The following KSR2 variants were observed in gnomAD, a reference collection of about 807,000 sequenced individuals.
KSR2 encodes kinase suppressor of ras 2.
In KSR2, 25 loss-of-function variants were observed where a neutral mutation model predicts 107.8. The observed-to-expected ratio is 0.23, with a 90% CI of 0.17 to 0.32. KSR2 has a LOEUF of 0.32. Among genes scored for constraint, KSR2 ranks in the 10% least tolerant of loss-of-function variants. The pLI is 1.00. For missense variants in KSR2, 887 were observed against 1,268.9 expected, an observed-to-expected ratio of 0.70 and a Z score of 4.57; for synonymous variants, 480 against 507.0, an observed-to-expected ratio of 0.95 and a Z score of 0.71.
chr12:117,658,442 C>T (rs1388461964), intron 5 of KSR2, among the ~76,000 whole-genome samples: 4 of 152,160 alleles, frequency 2.6e-5, no homozygotes, highest in East Asian at 1.9e-4. Flanking sequence ...TCTGGCCCTC[C>T]GCCTGCTATT....
At chr12:117,480,161 T>C (rs144990761) in intron 16 of KSR2, among the ~76,000 whole-genome samples, 1,577 of 133,186 alleles carry the variant, frequency 0.012, 29 homozygotes, top group African/African-American at 0.041. Flanking sequence ...TCTCCTGCAA[T>C]GACTGGGCCA....
At chr12:117,763,132 C>T (rs1352793496) in intron 3 of KSR2, among the ~76,000 whole-genome samples, 1 of 151,568 alleles carries the variant, frequency 6.6e-6, no homozygotes, top group Non-Finnish European at 1.5e-5. Context: ...TGAGTGAGAA[C>T]ATGCGGTGTT....
At chr12:117,639,971 A>C (rs1276675090) in intron 5 of KSR2, among the ~76,000 whole-genome samples, 1 of 152,094 alleles carries the variant, frequency 6.6e-6, no homozygotes, top group East Asian at 1.9e-4. Flanking sequence ...GCTTTGTCAC[A>C]AAGCTGCAGG....
intron 4 of KSR2, among the ~76,000 whole-genome samples, chr12:117,705,828 T>G (rs949781808): frequency 8.5e-4 from 130 of 152,050 alleles, no homozygotes; most frequent in African/African-American, 3.1e-3. Context: ...GCTGGAGAGG[T>G]GGATAGGACT....
intron 6 of KSR2, among the ~76,000 whole-genome samples, chr12:117,581,526 G>A (rs930447723): frequency 1.3e-5 from 2 of 152,150 alleles, no homozygotes; most frequent in Non-Finnish European, 2.9e-5. Flanking sequence ...TCAACCTATC[G>A]CTTAATCTTC....
At chr12:117,928,931 T>G (rs1425994736) in intron 1 of KSR2, among the ~76,000 whole-genome samples, 1 of 152,196 alleles carries the variant, frequency 6.6e-6, no homozygotes, top group East Asian at 1.9e-4. Flanking sequence ...TAGACTTCAA[T>G]GCCAACCTTT....
chr12:117,641,796 G>T (rs1171757843), intron 5 of KSR2, among the ~76,000 whole-genome samples: 8 of 152,092 alleles, frequency 5.3e-5, no homozygotes, highest in African/African-American at 1.9e-4. Flanking sequence ...GAAACAGCAC[G>T]GTTTAGTAGC....
intron 4 of KSR2, among the ~76,000 whole-genome samples, chr12:117,747,089 C>A (rs1010124369): frequency 6.6e-6 from 1 of 152,112 alleles, no homozygotes; most frequent in Admixed American, 6.6e-5. Flanking sequence ...TGGGTATATA[C>A]CCAAAGGATT....
At chr12:117,514,044 C>T (rs191447574) in intron 14 of KSR2, among the ~76,000 whole-genome samples, 3 of 152,230 alleles carry the variant, frequency 2.0e-5, no homozygotes, top group African/African-American at 4.8e-5. Context: ...CACTGCCTGC[C>T]GGCAATACTG....
At chr12:117,630,435 T>TG (rs1882751206) in intron 5 of KSR2, among the ~76,000 whole-genome samples, 1 of 151,904 alleles carries the variant, frequency 6.6e-6, no homozygotes, top group Non-Finnish European at 1.5e-5. Flanking sequence ...GTTGGAAGGT[T>TG]GGGGGAGATA....
chr12:117,942,926 T>C (rs1037702472), intron 1 of KSR2, among the ~76,000 whole-genome samples: 5 of 152,176 alleles, frequency 3.3e-5, no homozygotes, highest in Non-Finnish European at 5.9e-5. Context: ...GTCGTTCAAC[T>C]CAATTATGCT....
chr12:117,606,591 T>TTC (rs776084274), intron 5 of KSR2, among the ~76,000 whole-genome samples: 24 of 8,030 alleles, frequency 3.0e-3, no homozygotes, highest in Non-Finnish European at 5.4e-3. Flanking sequence ...CCTTCTTCCT[T>TTC]CCTTCTTTCC....
chr12:117,722,111 T>G (rs868616123), intron 4 of KSR2, among the ~76,000 whole-genome samples: 3 of 152,158 alleles, frequency 2.0e-5, no homozygotes, highest in African/African-American at 7.2e-5. Context: ...TGGGTTCAAG[T>G]GATCCTCCCG....
chr12:117,554,450 T>C (rs1442253604), intron 9 of KSR2, among the ~76,000 whole-genome samples: 1 of 152,068 alleles, frequency 6.6e-6, no homozygotes, highest in African/African-American at 2.4e-5. Flanking sequence ...CCCAGAACCA[T>C]CTGCAAAGTT....
intron 2 of KSR2, among the ~76,000 whole-genome samples, chr12:117,858,874 A>G (rs1375416239): frequency 6.6e-6 from 1 of 152,242 alleles, no homozygotes; most frequent in Non-Finnish European, 1.5e-5. Flanking sequence ...CAGTCTCAGC[A>G]GTTGAGATCC....
chr12:117,879,078 A>G (rs1291915478), intron 1 of KSR2, among the ~76,000 whole-genome samples: 1 of 152,098 alleles, frequency 6.6e-6, no homozygotes, highest in African/African-American at 2.4e-5. Context: ...GCCTGGAAAA[A>G]AAATTCGTTA....
At chr12:117,597,628 G>A (rs1207580616) in intron 5 of KSR2, among the ~76,000 whole-genome samples, 2 of 152,128 alleles carry the variant, frequency 1.3e-5, no homozygotes, top group Non-Finnish European at 2.9e-5. Context: ...CACAAGACTT[G>A]TTTTGGAATT....
At chr12:117,584,463 G>A (rs1565912637) in intron 5 of KSR2, among the ~76,000 whole-genome samples, 1 of 152,132 alleles carries the variant, frequency 6.6e-6, no homozygotes. Flanking sequence ...ACAAAACTAG[G>A]AGTGCTAAAT....
At chr12:117,790,867 T>C (rs2136973235) in intron 3 of KSR2, among the ~76,000 whole-genome samples, 1 of 152,204 alleles carries the variant, frequency 6.6e-6, no homozygotes, top group South Asian at 2.1e-4. Flanking sequence ...TGTGACCCAG[T>C]CCCAAATACC....
Sources: gnomAD v4.1 joint callset for allele counts (sites outside exome capture counted in the v4.1 genomes callset) on GRCh38, gnomAD v4.1.1 for gene constraint, MANE v1.5 for transcripts, NCBI Gene and HGNC (gene_info 2026-07-23, HGNC 2026-07-21) for gene names.